PIWIL2: variants seen among roughly 807,000 people sequenced by gnomAD.
PIWIL2 encodes the protein piwi like RNA-mediated gene silencing 2.
A neutral mutation model predicts 116.5 loss-of-function variants in PIWIL2; 81 were observed. That is an observed-to-expected ratio of 0.70 (90% CI 0.58 to 0.84). The LOEUF (loss-of-function observed/expected upper bound fraction) is 0.84, where lower values mean the gene tolerates loss of function less well. PIWIL2 is among the 40% of genes least tolerant of loss of function. The pLI, the probability that PIWIL2 is intolerant of heterozygous loss-of-function variation, is 0.00. For synonymous variants in PIWIL2, 489 were observed against 429.5 expected (o/e 1.14, Z -1.71); for missense variants, 1,272 against 1,212.3 (o/e 1.05, Z -0.73).
At chr8:22,330,170 C>G (rs951323664) in intron 20 of PIWIL2, among the ~76,000 whole-genome samples, 1 of 152,060 alleles carries the variant, frequency 6.6e-6, no homozygotes, top group Non-Finnish European at 1.5e-5. Context: ...ATAATCTCAA[C>G]TGACATCGTT....
chr8:22,314,695 T>A (rs1831413348), intron 17 of PIWIL2, among the ~76,000 whole-genome samples: 1 of 152,054 alleles, frequency 6.6e-6, no homozygotes, highest in African/African-American at 2.4e-5. Context: ...GTTCTGAGAG[T>A]GAATATAGGC....
chr8:22,287,132 G>C (rs1830646279), intron 6 of PIWIL2, among the ~76,000 whole-genome samples: 1 of 151,974 alleles, frequency 6.6e-6, no homozygotes, highest in Non-Finnish European at 1.5e-5. Context: ...AAAATGGAGT[G>C]ACAAATGTTA....
chr8:22,331,519 G>A lies in PIWIL2; in HGVS notation c.2403+13244G>A, dbSNP rs6982725. Among the ~76,000 whole-genome samples, 51 of 152,142 alleles carry A rather than the reference G, an allele frequency of 3.4e-4. 2 individuals are homozygous for A. Among genetic ancestry groups the A allele is most frequent in the African/African-American group, 1.2e-3 (51 of 41,472 alleles). ...ATGACTTTTACCTAAATTCTTCAAA[G>A]AGATGAAATACAACATTAAGAATTT... On this transcript the variant is annotated intron_variant, in intron 20 of 22. Transcript: ENST00000356766.
At chr8:22,292,579 C>G (rs1357349618) in intron 10 of PIWIL2, among the ~76,000 whole-genome samples, 1 of 152,222 alleles carries the variant, frequency 6.6e-6, no homozygotes, top group Non-Finnish European at 1.5e-5. Flanking sequence ...TTTGCTCACC[C>G]TGTACACTTA....
At chr8:22,353,384 C>T (rs535413308) in intron 21 of PIWIL2, among the ~76,000 whole-genome samples, 172 bp downstream of exon 21, 2 of 152,238 alleles carry the variant, frequency 1.3e-5, no homozygotes, top group Admixed American at 6.5e-5. Context: ...CATGGTGGCT[C>T]ACGTCTGTAA....
intron 20 of PIWIL2, among the ~76,000 whole-genome samples, chr8:22,325,600 C>A (rs538731336): frequency 4.0e-4 from 59 of 148,808 alleles, no homozygotes; most frequent in Non-Finnish European, 6.7e-4. Context: ...TCTCCTGTCT[C>A]AGCCTGCCAA....
At chr8:22,302,033 C>T (rs1203017865) in intron 10 of PIWIL2, among the ~76,000 whole-genome samples, 4 of 152,040 alleles carry the variant, frequency 2.6e-5, no homozygotes, top group African/African-American at 9.7e-5. Flanking sequence ...TTTCATTTTC[C>T]TTCAGTTCAA....
chr8:22,309,279 A>G (rs569515640), intron 14 of PIWIL2, among the ~76,000 whole-genome samples: 3 of 151,968 alleles, frequency 2.0e-5, no homozygotes, highest in African/African-American at 7.2e-5. Context: ...ATTAAGTCCA[A>G]TTTATGAAGG....
intron 6 of PIWIL2, 77 bp downstream of exon 6, chr8:22,284,349 A>G: frequency 4.1e-6 from 3 of 730,880 alleles, no homozygotes; most frequent in Non-Finnish European, 7.0e-6. Context: ...ATAACTGAAT[A>G]TTGTCCTGGA....
intron 20 of PIWIL2, among the ~76,000 whole-genome samples, chr8:22,339,340 T>C (rs751058746): frequency 2.0e-5 from 3 of 152,068 alleles, no homozygotes; most frequent in Non-Finnish European, 4.4e-5. Context: ...ACCCCATCTC[T>C]ACTAAAAATA....
In PIWIL2 at chr8:22,315,031, T is replaced by G. The variant is rs200498604; in HGVS notation, c.2094T>G (p.Val698=). ...ACCTTTTGGTCCCTTCATTATAGGTTGTCAATGTTCGAACCATTGGTCAGC... is the reference window on the plus strand; with the variant it reads ...ACCTTTTGGTCCCTTCATTATAGGTGGTCAATGTTCGAACCATTGGTCAGC... ...CCVQSPVPSQ[V]VNVRTIGQPT... The change falls in exon 18 of 23, where the codon GTT becomes GTG. Residue 698 remains valine, a splice_region_variant and synonymous_variant. Transcript: ENST00000356766. 11 of 1,601,086 alleles carry G rather than the reference T, an allele frequency of 6.9e-6. No homozygotes were observed. In the East Asian group the frequency reaches 2.5e-4, roughly 36 times the overall value.
intron 4 of PIWIL2, 137 bp downstream of exon 4, chr8:22,281,652 A>G: frequency 2.9e-6 from 2 of 696,432 alleles, no homozygotes; most frequent in Non-Finnish European, 4.4e-6. Flanking sequence ...ATATTTCTCA[A>G]GAGTAGTCAG....
At chr8:22,282,700 C>G (rs954094569) in intron 4 of PIWIL2, among the ~76,000 whole-genome samples, 2 of 152,006 alleles carry the variant, frequency 1.3e-5, no homozygotes, top group Non-Finnish European at 1.5e-5. Context: ...AAGTGATCCT[C>G]CCACCTCAGC....
intron 16 of PIWIL2, among the ~76,000 whole-genome samples, chr8:22,312,111 A>C (rs1831346799): frequency 6.6e-6 from 1 of 151,928 alleles, no homozygotes; most frequent in Non-Finnish European, 1.5e-5. Context: ...AAAAAATCTA[A>C]ACATTAGCTG....
In PIWIL2 at chr8:22,355,680, A is replaced by G; in HGVS notation, c.*175A>G. On this transcript the variant is annotated 3_prime_UTR_variant, in exon 23 of 23. Coordinates refer to ENST00000356766, the MANE Select transcript of PIWIL2 (RefSeq NM_018068.5). ...TTAAACCTAATATCACCAAGAAGCAAGTTTCTGAGTAACAGCTGAAAATGG... is the reference window on the plus strand; with the variant it reads ...TTAAACCTAATATCACCAAGAAGCAGGTTTCTGAGTAACAGCTGAAAATGG... 1 of 633,644 alleles carries G rather than the reference A, an allele frequency of 1.6e-6. No homozygotes were observed. The highest frequency in any genetic ancestry group is 2.9e-5 in the Admixed American group (1 of 34,158). 39.3% of individuals were successfully genotyped at this position (633,644 alleles called of 1,614,324 possible).
intron 20 of PIWIL2, among the ~76,000 whole-genome samples, chr8:22,333,344 G>C (rs577194430): frequency 6.6e-6 from 1 of 152,236 alleles, no homozygotes; most frequent in South Asian, 2.1e-4. Context: ...GGGCGCAGTG[G>C]CTCACGCCTG....
At chr8:22,350,575 C>G (rs1218731822) in intron 20 of PIWIL2, among the ~76,000 whole-genome samples, 1 of 152,040 alleles carries the variant, frequency 6.6e-6, no homozygotes, top group Non-Finnish European at 1.5e-5. Flanking sequence ...GCAGCCTCGG[C>G]AAGAGCATGA....
At chr8:22,315,798 A>C (rs903059205) in intron 18 of PIWIL2, among the ~76,000 whole-genome samples, 1 of 152,212 alleles carries the variant, frequency 6.6e-6, no homozygotes, top group African/African-American at 2.4e-5. Flanking sequence ...AATAAAGGTC[A>C]AGTATGCTTT....
At chr8:22,331,928 C>A (rs556893496) in intron 20 of PIWIL2, among the ~76,000 whole-genome samples, 188 of 152,220 alleles carry the variant, frequency 1.2e-3, no homozygotes, top group Middle Eastern at 3.4e-3. Flanking sequence ...AGGACTTCAA[C>A]ATATGAATGT....
Sources: gnomAD v4.1 joint callset for allele counts (sites outside exome capture counted in the v4.1 genomes callset) on GRCh38, gnomAD v4.1.1 for gene constraint, MANE v1.5 for transcripts, NCBI Gene and HGNC (gene_info 2026-07-23, HGNC 2026-07-21) for gene names.